Variants in SNX29 observed in about 807,000 individuals in gnomAD.
SNX29 encodes sorting nexin-29.
Under a neutral mutation model 102.1 loss-of-function variants are expected in SNX29, and 78 were observed. The ratio of observed to expected loss-of-function variants is 0.76; its 90% CI spans 0.64 to 0.92. The LOEUF (loss-of-function observed/expected upper bound fraction) is 0.92. SNX29 is among the 40% of genes least tolerant of loss of function. SNX29 has a pLI of 0.00. For missense variants in SNX29, 1,280 were observed against 1,061.7 expected (o/e 1.21, Z -2.86); for synonymous variants, 580 against 414.5 (o/e 1.40, Z -4.85).
chr16:12,523,415 G>C (rs960119314), intron 19 of SNX29, among the ~76,000 whole-genome samples: 5 of 152,216 alleles, frequency 3.3e-5, no homozygotes, highest in Non-Finnish European at 7.3e-5. Context: ...CACCTTGCTT[G>C]GTCTTCGGTC....
At chr16:12,492,612 A>G (rs2088608200) in intron 19 of SNX29, among the ~76,000 whole-genome samples, 1 of 152,186 alleles carries the variant, frequency 6.6e-6, no homozygotes, top group Non-Finnish European at 1.5e-5. Flanking sequence ...GCCCATGCCT[A>G]TGTCCTGAAT....
intron 1 of SNX29, among the ~76,000 whole-genome samples, chr16:11,998,829 G>A (rs1489443668): frequency 6.6e-6 from 1 of 152,076 alleles, no homozygotes; most frequent in African/African-American, 2.4e-5. Context: ...ATGGGAAAAG[G>A]ATGTTGGAGA....
chr16:12,540,195 C>G (rs1012926885), intron 20 of SNX29, among the ~76,000 whole-genome samples: 4 of 152,084 alleles, frequency 2.6e-5, no homozygotes, highest in Admixed American at 6.6e-5. Context: ...TGTGTCAGGT[C>G]CAAGGATTGG....
At position 12,186,797 on chromosome 16, in the gene SNX29, T is replaced by C. The variant is rs1180206788; in HGVS notation, c.1596-12804T>C. On this transcript the variant is annotated intron_variant, in intron 13 of 20. Transcript: ENST00000566228. The stretch of plus-strand genomic sequence containing the variant: ...GGGTTTGTCAGCTGTTTCCTCATGA[T>C]TAGGTTCAGGTTATGTGTTTTTGAC... 2.0e-5 allele frequency among the ~76,000 whole-genome samples: 3 copies of C among 152,190 alleles called. No individual in the cohort carries two copies. In the East Asian group the frequency reaches 5.8e-4, roughly 29 times the overall value.
intron 11 of SNX29, among the ~76,000 whole-genome samples, chr16:12,115,802 T>C (rs77474179): frequency 0.021 from 3,267 of 152,274 alleles, 112 homozygotes; most frequent in African/African-American, 0.075. Context: ...GTGAAACACA[T>C]GTGTACCTCG....
At chr16:12,378,511 T>G (rs890432925) in intron 16 of SNX29, among the ~76,000 whole-genome samples, 1 of 152,112 alleles carries the variant, frequency 6.6e-6, no homozygotes, top group Non-Finnish European at 1.5e-5. Flanking sequence ...TAGCCGGGTG[T>G]GGTGATGTGT....
Position 12,570,530 on chromosome 16 carries a change from A to C in SNX29, c.*1901A>C, listed in dbSNP as rs1184855262. 4.3e-6 allele frequency: 1 copy of C among 232,262 alleles called. No individual in the cohort carries two copies. The highest frequency in any genetic ancestry group is 5.6e-5 in the Admixed American group (1 of 17,746). 14.4% of individuals were successfully genotyped at this position (232,262 alleles called of 1,614,324 possible). A position where few individuals can be genotyped will look rare whatever the true frequency, so the allele number is the denominator to read the frequency against. On this transcript the variant is annotated 3_prime_UTR_variant, in exon 21 of 21. Transcript: ENST00000566228. ...GGTTTATGCCACATCGGTCATTTTG[A>C]AGTAGGTGTTTGATGCCAGCTCAGA...
At chr16:12,447,528 G>A (rs1034636164) in intron 18 of SNX29, among the ~76,000 whole-genome samples, 11 of 152,322 alleles carry the variant, frequency 7.2e-5, no homozygotes, top group African/African-American at 2.6e-4. Context: ...CCCGGACAGA[G>A]CCGAGATTTC....
intron 18 of SNX29, among the ~76,000 whole-genome samples, chr16:12,471,683 A>AG (rs1474278438): frequency 6.6e-6 from 1 of 152,272 alleles, no homozygotes; most frequent in African/African-American, 2.4e-5. Flanking sequence ...AGGACAGCGA[A>AG]GGCAGGGCTA....
At chr16:12,556,821 AGAG>A (rs893284367) in intron 20 of SNX29, among the ~76,000 whole-genome samples, 21 of 152,222 alleles carry the variant, frequency 1.4e-4, no homozygotes, top group African/African-American at 4.8e-4. Flanking sequence ...ACAGAAGCCC[AGAG>A]GAGGAACAGA....
At chr16:12,206,699 C>A (rs1338404876) in intron 14 of SNX29, among the ~76,000 whole-genome samples, 1 of 152,166 alleles carries the variant, frequency 6.6e-6, no homozygotes, top group East Asian at 1.9e-4. Flanking sequence ...CATCTCTTCA[C>A]CCCACAGAGC....
intron 4 of SNX29, among the ~76,000 whole-genome samples, chr16:12,031,614 A>G (rs145947451): frequency 4.0e-4 from 60 of 151,436 alleles, no homozygotes; most frequent in African/African-American, 1.4e-3. Context: ...AGACCATCCT[A>G]GCTAACACGG....
chr16:12,304,800 G>A (rs1567418018), intron 15 of SNX29, among the ~76,000 whole-genome samples: 1 of 152,134 alleles, frequency 6.6e-6, no homozygotes, highest in African/African-American at 2.4e-5. Flanking sequence ...TAAAAAGAGA[G>A]GATATGAACT....
At chr16:12,551,665 C>T (rs1013643582) in intron 20 of SNX29, among the ~76,000 whole-genome samples, 5 of 152,170 alleles carry the variant, frequency 3.3e-5, no homozygotes, top group African/African-American at 4.8e-5. Flanking sequence ...GTTTCCGTTC[C>T]TGTGCAGTAG....
intron 13 of SNX29, among the ~76,000 whole-genome samples, chr16:12,181,706 A>G (rs1290693818): frequency 4.0e-5 from 1 of 25,148 alleles, no homozygotes; most frequent in Non-Finnish European, 3.8e-3. Context: ...TCTGTTGGTG[A>G]TTGAGGGGGG....
intron 11 of SNX29, among the ~76,000 whole-genome samples, chr16:12,086,293 C>T (rs139530759): frequency 0.024 from 3,719 of 152,262 alleles, 80 homozygotes; most frequent in Admixed American, 0.032. Context: ...CGTGAGCCAC[C>T]GCGCCTGGCC....
At chr16:12,459,466 G>A (rs1303485683) in intron 18 of SNX29, among the ~76,000 whole-genome samples, 1 of 152,162 alleles carries the variant, frequency 6.6e-6, no homozygotes, top group African/African-American at 2.4e-5. Flanking sequence ...GACAGGCTGG[G>A]TGGAGAGTGG....
intron 13 of SNX29, among the ~76,000 whole-genome samples, chr16:12,134,801 C>T (rs937916173): frequency 1.3e-4 from 20 of 152,186 alleles, no homozygotes; most frequent in African/African-American, 4.3e-4. Flanking sequence ...GGGGCAGATA[C>T]TACTTGTATT....
In SNX29 at chr16:12,098,524, T is replaced by C. The variant is rs900036477; in HGVS notation, c.1402+19609T>C. 4.6e-5 allele frequency among the ~76,000 whole-genome samples: 7 copies of C among 152,224 alleles called. No individual in the cohort carries two copies. The highest frequency in any genetic ancestry group is 1.7e-4 in the African/African-American group (7 of 41,458). On this transcript the variant is annotated intron_variant, in intron 11 of 20. Coordinates refer to ENST00000566228, the MANE Select transcript of SNX29 (RefSeq NM_032167.5). This position sits in a 1 kb window ranked among gnomAD's most constrained non-coding sequence, Gnocchi z 6.0. Reference sequence around the variant, plus strand: ...TCAGCAGCACCCAGCTGCTTCCAGGTGTCTGTACACACCGTCGGTTTCATG... The same window carrying C: ...TCAGCAGCACCCAGCTGCTTCCAGGCGTCTGTACACACCGTCGGTTTCATG...
Sources: allele counts gnomAD v4.1 joint callset (sites outside exome capture counted in the v4.1 genomes callset), GRCh38; gene constraint gnomAD v4.1.1; non-coding constraint Gnocchi (gnomAD v3.1); transcripts MANE v1.5; gene names NCBI Gene and HGNC (gene_info 2026-07-23, HGNC 2026-07-21).